LANCL3: variants seen among roughly 807,000 people sequenced by gnomAD.
The protein encoded by LANCL3 is LanC like family member 3, also known as lanC-like protein 3.
A neutral mutation model predicts 26.5 loss-of-function variants in LANCL3; 19 were observed. The observed-to-expected ratio is 0.72, with a 90% CI of 0.50 to 1.05. The LOEUF (loss-of-function observed/expected upper bound fraction) is 1.05, where lower values mean the gene tolerates loss of function less well. Among genes scored for constraint, LANCL3 ranks in the 50% least tolerant of loss-of-function variants. The pLI, the probability that LANCL3 is intolerant of heterozygous loss-of-function variation, is 0.00. For synonymous variants in LANCL3, 160 were observed against 166.6 expected (o/e 0.96, Z 0.30); for missense variants, 318 against 362.7 (o/e 0.88, Z 1.00).
intron 1 of LANCL3, among the ~76,000 whole-genome samples, chrX:37,584,269 C>T (rs1296024709): frequency 1.8e-5 from 2 of 108,410 alleles, no homozygotes; most frequent in African/African-American, 7.1e-5. Flanking sequence ...GGATATTGGT[C>T]TAAAATTCTC....
In LANCL3 at chrX:37,677,837, A is replaced by G. The variant is rs782675453; in HGVS notation, c.*2024A>G. On this transcript the variant is annotated 3_prime_UTR_variant, in exon 5 of 5. Transcript: ENST00000378619. ...TCTAAGTTTATTTATTCAGTATTCT[A>G]GACTAGAATCTGGGGATACAATAGT... The G allele has an allele frequency of 2.7e-5, 3 of 112,289 alleles. No homozygotes were observed. The highest frequency in any genetic ancestry group is 9.7e-5 in the African/African-American group (3 of 30,991). The allele number at this position is 112,289 out of a possible 1,213,427, so 9.3% of individuals were successfully genotyped here. A position where few individuals can be genotyped will look rare whatever the true frequency, so the allele number is the denominator to read the frequency against.
intron 1 of LANCL3, among the ~76,000 whole-genome samples, chrX:37,592,581 A>T (rs1303594655): frequency 1.8e-5 from 2 of 112,096 alleles, no homozygotes; most frequent in African/African-American, 6.5e-5. Context: ...TATTGAAAGG[A>T]CTGTTGAGAG....
At chrX:37,649,485 G>A (rs782199747) in intron 1 of LANCL3, among the ~76,000 whole-genome samples, 1 of 109,925 alleles carries the variant, frequency 9.1e-6, no homozygotes, top group Non-Finnish European at 1.9e-5. Flanking sequence ...GGAACTTAGA[G>A]GACAGGTCAA....
At chrX:37,668,313 A>G (rs1392360912) in intron 4 of LANCL3, 3 of 208,754 alleles carry the variant, frequency 1.4e-5, no homozygotes, top group Non-Finnish European at 2.6e-5. Flanking sequence ...TCCTAGTTAT[A>G]TACATAAATA....
At chrX:37,618,822 G>T (rs1382110196) in intron 1 of LANCL3, among the ~76,000 whole-genome samples, 1 of 111,944 alleles carries the variant, frequency 8.9e-6, no homozygotes, top group Non-Finnish European at 1.9e-5. Context: ...ACAAGTACTA[G>T]AGGTTAGGAC....
At chrX:37,625,302 G>C (rs1179047790) in intron 1 of LANCL3, among the ~76,000 whole-genome samples, 1 of 111,726 alleles carries the variant, frequency 9.0e-6, no homozygotes, top group African/African-American at 3.3e-5. Flanking sequence ...GCATCTCTGT[G>C]TGGATTCAGC....
intron 1 of LANCL3, among the ~76,000 whole-genome samples, chrX:37,607,726 T>TG (rs1924755960): frequency 8.9e-6 from 1 of 112,203 alleles, no homozygotes; most frequent in African/African-American, 3.2e-5. Context: ...AGTCATTTTG[T>TG]ATAGGGAGAA....
chrX:37,581,173 G>A (rs1258476003), intron 1 of LANCL3, among the ~76,000 whole-genome samples: 2 of 111,855 alleles, frequency 1.8e-5, no homozygotes, highest in African/African-American at 6.5e-5. Context: ...GGGGTTGCCT[G>A]TCAACAAATG....
intron 1 of LANCL3, among the ~76,000 whole-genome samples, chrX:37,626,653 C>G (rs374812761): frequency 9.0e-6 from 1 of 111,293 alleles, no homozygotes; most frequent in Non-Finnish European, 1.9e-5. Flanking sequence ...AAAATGGTAT[C>G]TTTTTTTTCC....
At chrX:37,657,372 T>C (rs1926309469) in intron 2 of LANCL3, among the ~76,000 whole-genome samples, 2 of 111,301 alleles carry the variant, frequency 1.8e-5, no homozygotes, top group African/African-American at 6.5e-5. Flanking sequence ...TTTTCTGGTT[T>C]TATTTTTTGA....
At chrX:37,595,345 T>G (rs1924396766) in intron 1 of LANCL3, among the ~76,000 whole-genome samples, 1 of 112,380 alleles carries the variant, frequency 8.9e-6, no homozygotes, top group Non-Finnish European at 1.9e-5. Context: ...TCTAAAGAAA[T>G]GGCAACCTAC....
At chrX:37,579,547 G>T (rs1556416775) in intron 1 of LANCL3, among the ~76,000 whole-genome samples, 1 of 111,446 alleles carries the variant, frequency 9.0e-6, no homozygotes, top group African/African-American at 3.3e-5. Flanking sequence ...ACTCAAAATG[G>T]CATGAAATTT....
chrX:37,609,635 G>A (rs1212823063), intron 1 of LANCL3, among the ~76,000 whole-genome samples: 11 of 110,856 alleles, frequency 9.9e-5, no homozygotes, highest in African/African-American at 2.0e-4. Flanking sequence ...TTTCTTAGGG[G>A]GAATCAAGGA....
intron 1 of LANCL3, among the ~76,000 whole-genome samples, chrX:37,652,908 C>T (rs1377503444): frequency 7.2e-5 from 8 of 111,609 alleles, no homozygotes; most frequent in Admixed American, 4.8e-4. Flanking sequence ...ACTGTTTGTT[C>T]GGGGGCGAAA....
At chrX:37,664,749 A>G (rs1477310865) in intron 3 of LANCL3, among the ~76,000 whole-genome samples, 5 of 110,699 alleles carry the variant, frequency 4.5e-5, no homozygotes, top group South Asian at 3.9e-4. Context: ...CCTGGTGTCT[A>G]TTGTTCCTAT....
rs1556438791 is a variant in LANCL3, at chrX:37,682,228, A to G, written c.*6415A>G. 1 of 102,926 alleles carries G rather than the reference A, an allele frequency of 9.7e-6. No individual in the cohort carries two copies. Among genetic ancestry groups the G allele is most frequent in the African/African-American group, 3.6e-5 (1 of 28,139 alleles). The allele number at this position is 102,926 out of a possible 1,213,427, so 8.5% of individuals were successfully genotyped here. A position where few individuals can be genotyped will look rare whatever the true frequency, so the allele number is the denominator to read the frequency against. ...CGCCATTCTCCTGCCTCAGCCTCCC[A>G]AGTAGCTGGGACTACAGGCGCCCGC... On this transcript the variant is annotated 3_prime_UTR_variant, in exon 5 of 5. Transcript: ENST00000378619.
intron 1 of LANCL3, among the ~76,000 whole-genome samples, chrX:37,581,290 A>G (rs1393664871): frequency 8.9e-6 from 1 of 112,280 alleles, no homozygotes; most frequent in Non-Finnish European, 1.9e-5. Flanking sequence ...GGTTATACTG[A>G]AGGAAAGAAT....
chrX:37,583,262 C>G (rs1390710558), intron 1 of LANCL3, among the ~76,000 whole-genome samples: 1 of 112,008 alleles, frequency 8.9e-6, no homozygotes, highest in East Asian at 2.8e-4. Context: ...ATGCCTCCAG[C>G]TTTGTCCTTT....
chrX:37,621,349 G>T (rs372223290), intron 1 of LANCL3, among the ~76,000 whole-genome samples: 2 of 112,066 alleles, frequency 1.8e-5, no homozygotes, highest in Non-Finnish European at 3.8e-5. Flanking sequence ...GAAAATTCAA[G>T]ATACTTGGTT....
Sources: gnomAD v4.1 joint callset for allele counts (sites outside exome capture counted in the v4.1 genomes callset) on GRCh38, gnomAD v4.1.1 for gene constraint, MANE v1.5 for transcripts, NCBI Gene and HGNC (gene_info 2026-07-23, HGNC 2026-07-21) for gene names.